UQCC1: variants seen among roughly 807,000 people sequenced by gnomAD.
UQCC1 encodes bFGF-repressed Zic-binding protein.
A neutral mutation model predicts 48.0 loss-of-function variants in UQCC1; 38 were observed. That is an observed-to-expected ratio of 0.79 (90% CI 0.61 to 1.04). The LOEUF is 1.04. UQCC1 is among the 50% of genes least tolerant of loss of function. The pLI is 0.00. For synonymous variants in UQCC1, 111 were observed against 129.2 expected, an observed-to-expected ratio of 0.86 and a Z score of 0.95; for missense variants, 368 against 381.8, an observed-to-expected ratio of 0.96 and a Z score of 0.30.
intron 7 of UQCC1, among the ~76,000 whole-genome samples, chr20:35,343,846 C>T (rs1158062966): frequency 1.3e-5 from 2 of 152,164 alleles, no homozygotes; most frequent in African/African-American, 4.8e-5. Flanking sequence ...CTGAAACTTA[C>T]TGAATCAGAA....
intron 7 of UQCC1, among the ~76,000 whole-genome samples, chr20:35,322,475 T>G (rs2061142318): frequency 6.6e-6 from 1 of 152,194 alleles, no homozygotes; most frequent in African/African-American, 2.4e-5. Context: ...GGCTCACGCC[T>G]GTAATCTCAG....
At chr20:35,370,574 T>G (rs1442414893) in intron 5 of UQCC1, among the ~76,000 whole-genome samples, 1 of 152,156 alleles carries the variant, frequency 6.6e-6, no homozygotes, top group African/African-American at 2.4e-5. Context: ...GTAATAAAAA[T>G]GAACATGCTA....
chr20:35,317,011 C>T (rs893860086), intron 7 of UQCC1, among the ~76,000 whole-genome samples: 3 of 151,402 alleles, frequency 2.0e-5, no homozygotes, highest in African/African-American at 7.3e-5. Context: ...TCTCAGCTCA[C>T]TGCAATCTCC....
intron 7 of UQCC1, among the ~76,000 whole-genome samples, chr20:35,330,599 C>A (rs1276185079): frequency 6.6e-6 from 1 of 152,194 alleles, no homozygotes; most frequent in African/African-American, 2.4e-5. Flanking sequence ...AGACGAGATA[C>A]CCCTAGTACG....
intron 2 of UQCC1, chr20:35,384,499 G>C (rs2061913628): frequency 8.7e-6 from 3 of 344,342 alleles, no homozygotes; most frequent in Non-Finnish European, 1.7e-5. Flanking sequence ...TAATTGGCTG[G>C]GTGTGGTGGT....
At chr20:35,392,968 CA>C (rs1422513991) in intron 2 of UQCC1, among the ~76,000 whole-genome samples, 1 of 151,940 alleles carries the variant, frequency 6.6e-6, no homozygotes, top group Admixed American at 6.6e-5. Flanking sequence ...ACAATTTTCA[CA>C]AACTGAAAAA....
At chr20:35,341,514 T>A (rs1432435384) in intron 7 of UQCC1, among the ~76,000 whole-genome samples, 1 of 152,184 alleles carries the variant, frequency 6.6e-6, no homozygotes, top group Non-Finnish European at 1.5e-5. Context: ...TTCAGATAGT[T>A]ACTGGGCACC....
chr20:35,329,836 G>GT (rs1210361172), intron 7 of UQCC1, among the ~76,000 whole-genome samples: 1 of 152,210 alleles, frequency 6.6e-6, no homozygotes, highest in African/African-American at 2.4e-5. Flanking sequence ...CACAGTGCCT[G>GT]TATGTCTTAC....
chr20:35,345,333 A>T (rs1393472114), intron 7 of UQCC1: 1 of 152,142 alleles, frequency 6.6e-6, no homozygotes, highest in East Asian at 1.9e-4. Context: ...GTGGGATCTG[A>T]CACTATCTCC....
At chr20:35,398,767 G>A (rs1157355541) in intron 1 of UQCC1, among the ~76,000 whole-genome samples, 3 of 127,918 alleles carry the variant, frequency 2.3e-5, no homozygotes, top group African/African-American at 6.0e-5. Context: ...GGGGGGGGGG[G>A]GGCGGTGCAG....
chr20:35,411,759 G>C (rs2062368818), intron 1 of UQCC1, among the ~76,000 whole-genome samples, 181 bp downstream of exon 1: 1 of 152,154 alleles, frequency 6.6e-6, no homozygotes, highest in African/African-American at 2.4e-5. Context: ...GGGAGCTAAG[G>C]TCAAAACGGG....
chr20:35,362,780 G>T (rs1412198003), intron 6 of UQCC1, among the ~76,000 whole-genome samples: 1 of 152,144 alleles, frequency 6.6e-6, no homozygotes, highest in Admixed American at 6.5e-5. Flanking sequence ...ATGGAATGGG[G>T]ATAGGGAAGC....
At chr20:35,379,876 A>G (rs1169485776) in intron 4 of UQCC1, among the ~76,000 whole-genome samples, 1 of 152,192 alleles carries the variant, frequency 6.6e-6, no homozygotes, top group Non-Finnish European at 1.5e-5. Context: ...ACATCACAAG[A>G]GTTTTAAAAT....
At chr20:35,326,259 AG>A (rs2061192510) in intron 7 of UQCC1, among the ~76,000 whole-genome samples, 1 of 152,204 alleles carries the variant, frequency 6.6e-6, no homozygotes, top group African/African-American at 2.4e-5. Context: ...GGAGGAGGAA[AG>A]GGGAGGCCAT....
intron 2 of UQCC1, among the ~76,000 whole-genome samples, chr20:35,390,421 C>CAA (rs200508947): frequency 0.012 from 803 of 69,476 alleles, 11 homozygotes; most frequent in African/African-American, 0.04. Flanking sequence ...AACTCCGTCT[C>CAA]AAAAAAAAAA....
At chr20:35,353,157 C>T (rs2061508032) in intron 6 of UQCC1, among the ~76,000 whole-genome samples, 1 of 151,904 alleles carries the variant, frequency 6.6e-6, no homozygotes, top group Non-Finnish European at 1.5e-5. Flanking sequence ...AATTCCAGCA[C>T]TTTGGGAGGC....
chr20:35,334,695 C>T (rs938473463), intron 7 of UQCC1, among the ~76,000 whole-genome samples: 3 of 152,150 alleles, frequency 2.0e-5, no homozygotes, highest in African/African-American at 7.2e-5. Flanking sequence ...GTGCTTTTAG[C>T]ACAGTACCTG....
chr20:35,347,733 T>G (rs958353638), intron 6 of UQCC1, among the ~76,000 whole-genome samples: 1 of 152,198 alleles, frequency 6.6e-6, no homozygotes, highest in Non-Finnish European at 1.5e-5. Flanking sequence ...CCTGTGGCTA[T>G]TGAGCATTTT....
chr20:35,327,037 A>T (rs2061202867), intron 7 of UQCC1, among the ~76,000 whole-genome samples: 1 of 152,188 alleles, frequency 6.6e-6, no homozygotes, highest in African/African-American at 2.4e-5. Flanking sequence ...AGCGATCCTA[A>T]AATAGATATC....
Sources: allele counts gnomAD v4.1 joint callset (sites outside exome capture counted in the v4.1 genomes callset), GRCh38; gene constraint gnomAD v4.1.1; transcripts MANE v1.5; gene names NCBI Gene and HGNC (gene_info 2026-07-23, HGNC 2026-07-21).